The following DNAJC3 variants were observed in gnomAD, a reference collection of about 807,000 sequenced individuals.
DNAJC3 encodes dnaJ homolog subfamily C member 3.
Under a neutral mutation model 68.6 loss-of-function variants are expected in DNAJC3, and 38 were observed. The ratio of observed to expected loss-of-function variants is 0.55; its 90% confidence interval spans 0.43 to 0.73. The LOEUF is 0.73. Among genes scored for constraint, DNAJC3 ranks in the 30% least tolerant of loss-of-function variants. DNAJC3 has a pLI of 0.00. For synonymous variants in DNAJC3, 203 were observed against 204.0 expected (o/e 1.00, Z 0.04); for missense variants, 526 against 591.9 (o/e 0.89, Z 1.16).
intron 9 of DNAJC3, among the ~76,000 whole-genome samples, chr13:95,774,015 G>C (rs539646918): frequency 6.6e-6 from 1 of 152,188 alleles, no homozygotes; most frequent in Non-Finnish European, 1.5e-5. Context: ...GATTACAGGC[G>C]TGAGCCACGG....
At chr13:95,700,093 A>T (rs908725457) in intron 1 of DNAJC3, among the ~76,000 whole-genome samples, 1 of 152,054 alleles carries the variant, frequency 6.6e-6, no homozygotes, top group Non-Finnish European at 1.5e-5. Flanking sequence ...GGGATAATAG[A>T]TGTGAGCCAT....
At chr13:95,771,065 A>G (rs1370359926) in intron 9 of DNAJC3, among the ~76,000 whole-genome samples, 18 of 152,152 alleles carry the variant, frequency 1.2e-4, no homozygotes, top group Non-Finnish European at 2.1e-4. Context: ...TATCACATTT[A>G]TCTGTCTCTA....
intron 4 of DNAJC3, among the ~76,000 whole-genome samples, chr13:95,735,501 A>G (rs1881878728): frequency 6.7e-6 from 1 of 148,352 alleles, no homozygotes; most frequent in Non-Finnish European, 1.5e-5. Context: ...TGACTTTTTA[A>G]TGATTGCCAT....
chr13:95,720,291 T>A (rs887545016), intron 2 of DNAJC3, among the ~76,000 whole-genome samples: 10 of 152,204 alleles, frequency 6.6e-5, no homozygotes, highest in Non-Finnish European at 1.5e-4. Flanking sequence ...TCATCGTATT[T>A]CCAGTATTAT....
intron 4 of DNAJC3, among the ~76,000 whole-genome samples, chr13:95,729,015 T>C (rs977891575): frequency 6.6e-6 from 1 of 152,012 alleles, no homozygotes; most frequent in South Asian, 2.1e-4. Context: ...TCTGTGAGAG[T>C]AACTTTTTTT....
chr13:95,786,611 G>C (rs1236687358), intron 10 of DNAJC3, among the ~76,000 whole-genome samples: 1 of 152,098 alleles, frequency 6.6e-6, no homozygotes, highest in South Asian at 2.1e-4. Context: ...TGGAATCTTT[G>C]TGCTTACTAT....
chr13:95,728,944 C>G (rs1303822187), intron 4 of DNAJC3, among the ~76,000 whole-genome samples: 1 of 152,122 alleles, frequency 6.6e-6, no homozygotes, highest in African/African-American at 2.4e-5. Context: ...ATCCCCGCCT[C>G]CCACTGACAC....
At chr13:95,786,769 G>A (rs1883614427) in intron 10 of DNAJC3, among the ~76,000 whole-genome samples, 1 of 152,190 alleles carries the variant, frequency 6.6e-6, no homozygotes, top group Non-Finnish European at 1.5e-5. Flanking sequence ...AAGTTCTAAA[G>A]ATCAGGAGTG....
At chr13:95,771,306 A>T (rs1193744947) in intron 9 of DNAJC3, among the ~76,000 whole-genome samples, 1 of 152,218 alleles carries the variant, frequency 6.6e-6, no homozygotes, top group Non-Finnish European at 1.5e-5. Context: ...AGAAATCATT[A>T]ATGACTCTTG....
intron 4 of DNAJC3, among the ~76,000 whole-genome samples, chr13:95,755,824 G>A (rs934029158): frequency 6.7e-6 from 1 of 149,500 alleles, no homozygotes; most frequent in Non-Finnish European, 1.5e-5. Context: ...ATTTCATCTG[G>A]CTTGACTCTC....
chr13:95,695,081 A>G (rs1355775104), intron 1 of DNAJC3: 4 of 152,212 alleles, frequency 2.6e-5, no homozygotes, highest in South Asian at 2.1e-4. Context: ...TTCTCAGTTG[A>G]TAAAGCCACT....
At position 95,753,438 on chromosome 13, in the gene DNAJC3, T is replaced by C. The variant is rs79302706; in HGVS notation, c.394-4206T>C. 2.8e-4 allele frequency among the ~76,000 whole-genome samples: 43 copies of C among 152,162 alleles called. 1 individual carries two copies. The East Asian group carries it at 8.1e-3, about 29-fold the overall frequency. ...TTCTAGAAGTCACTGCAGAATGTAATGTTGCATATACCTCAAGTGTTACAT... is the reference window on the plus strand; with the variant it reads ...TTCTAGAAGTCACTGCAGAATGTAACGTTGCATATACCTCAAGTGTTACAT... On this transcript the variant is annotated intron_variant, in intron 4 of 11. Coordinates refer to ENST00000602402, the MANE Select transcript of DNAJC3 (RefSeq NM_006260.5).
At chr13:95,700,923 A>G (rs1457519766) in intron 1 of DNAJC3, among the ~76,000 whole-genome samples, 1 of 152,216 alleles carries the variant, frequency 6.6e-6, no homozygotes, top group Non-Finnish European at 1.5e-5. Flanking sequence ...GTTCCGCTCC[A>G]GAATAATTAT....
chr13:95,714,659 G>A (rs552271066), intron 2 of DNAJC3, among the ~76,000 whole-genome samples: 1 of 152,276 alleles, frequency 6.6e-6, no homozygotes, highest in African/African-American at 2.4e-5. Context: ...TGACCACATC[G>A]TTACTAAGTC....
intron 1 of DNAJC3, among the ~76,000 whole-genome samples, chr13:95,686,090 C>T (rs1413730319): frequency 6.6e-6 from 1 of 151,984 alleles, no homozygotes; most frequent in African/African-American, 2.4e-5. Flanking sequence ...GCCTCCTAAG[C>T]AGCTGGGACT....
At chr13:95,716,371 T>C (rs1881146884) in intron 2 of DNAJC3, among the ~76,000 whole-genome samples, 1 of 152,154 alleles carries the variant, frequency 6.6e-6, no homozygotes, top group Non-Finnish European at 1.5e-5. Context: ...CGGCAATGTC[T>C]AGGACTCCTG....
chr13:95,735,886 A>G (rs1359531442), intron 4 of DNAJC3, among the ~76,000 whole-genome samples: 3 of 152,154 alleles, frequency 2.0e-5, no homozygotes, highest in African/African-American at 7.2e-5. Context: ...TTAGACATGA[A>G]GTCTTTGCCC....
chr13:95,720,805 G>T (rs1002548670), intron 2 of DNAJC3, among the ~76,000 whole-genome samples: 20 of 151,590 alleles, frequency 1.3e-4, no homozygotes, highest in Non-Finnish European at 2.4e-4. Flanking sequence ...TTAGATTTAA[G>T]AAAAAGAAGG....
chr13:95,711,293 T>C (rs536769788), intron 2 of DNAJC3, among the ~76,000 whole-genome samples: 7 of 152,036 alleles, frequency 4.6e-5, no homozygotes, highest in African/African-American at 1.2e-4. Context: ...AGGTCAGGAG[T>C]TTGGGACCAG....
Sources: allele counts gnomAD v4.1 joint callset (sites outside exome capture counted in the v4.1 genomes callset), GRCh38; gene constraint gnomAD v4.1.1; transcripts MANE v1.5; gene names NCBI Gene and HGNC (gene_info 2026-07-23, HGNC 2026-07-21).